Variants in GOLGA7 observed in about 807,000 individuals in gnomAD.
The protein encoded by GOLGA7 is golgin subfamily A member 7.
GOLGA7 carries 10 observed loss-of-function variants against 21.1 expected under a neutral mutation model. The ratio of observed to expected loss-of-function variants is 0.47; its 90% CI spans 0.29 to 0.80. The LOEUF is 0.80. Among genes scored for constraint, GOLGA7 ranks in the 30% least tolerant of loss-of-function variants. The probability of loss-of-function intolerance (pLI) is 0.08; values close to 1 mark genes in which losing one functional copy is unlikely to be tolerated. For missense variants in GOLGA7, 114 were observed against 166.8 expected, an observed-to-expected ratio of 0.68 and a Z score of 1.74; for synonymous variants, 64 against 62.6, an observed-to-expected ratio of 1.02 and a Z score of -0.10.
chr8:41,491,691 AT>A (rs1292553882), intron 1 of GOLGA7, among the ~76,000 whole-genome samples: 1 of 142,816 alleles, frequency 7.0e-6, no homozygotes, highest in African/African-American at 2.6e-5. Flanking sequence ...AAAAAAAAAA[AT>A]CATTGTATCT....
At chr8:41,496,655 T>A (rs1339877471) in intron 1 of GOLGA7, among the ~76,000 whole-genome samples, 1 of 130,944 alleles carries the variant, frequency 7.6e-6, no homozygotes. Context: ...TAAAATGCCA[T>A]TTTTTTTTTT....
At chr8:41,500,051 A>G (rs764970833) in intron 2 of GOLGA7, among the ~76,000 whole-genome samples, 4 of 152,254 alleles carry the variant, frequency 2.6e-5, no homozygotes, top group Non-Finnish European at 5.9e-5. Context: ...GTGAAGGCTC[A>G]GGGGATTTGT....
chr8:41,510,628 C>T lies in GOLGA7; in HGVS notation c.*1060C>T, dbSNP rs899844724. On this transcript the variant is annotated 3_prime_UTR_variant, in exon 5 of 5. Transcript: ENST00000357743. Reference sequence around the variant, plus strand: ...CTCAAGTCTGAGTCCATATTTGTAGCTCTGCTTTTGGCTGTACGTTCCTAG... The same window carrying T: ...CTCAAGTCTGAGTCCATATTTGTAGTTCTGCTTTTGGCTGTACGTTCCTAG... 1 of 152,614 alleles carries T rather than the reference C, an allele frequency of 6.6e-6. No homozygotes were observed. Among genetic ancestry groups the T allele is most frequent in the Middle Eastern group, 3.2e-3 (1 of 316 alleles). 9.5% of individuals were successfully genotyped at this position (152,614 alleles called of 1,614,324 possible).
chr8:41,497,596 G>A lies in GOLGA7; in HGVS notation c.199G>A (p.Glu67Lys), dbSNP rs1362179420. ...AEKLGGQSYLEGCLACLTAYT... is the reference protein window; with the variant it reads ...AEKLGGQSYLKGCLACLTAYT... ...GAAGCTCGGCGGCCAGTCATATCTC[G>A]AAGGTTGTTTGGCTTGTTTAACAGC... Residue 67 changes from glutamate to lysine, a missense_variant, in exon 2 of 5, where the codon GAA becomes AAA. Transcript: ENST00000357743. 10 of 1,588,000 alleles carry A rather than the reference G, an allele frequency of 6.3e-6. 1 individual carries two copies. Among genetic ancestry groups the A allele is most frequent in the African/African-American group, 2.7e-5 (2 of 74,424 alleles).
intron 2 of GOLGA7, among the ~76,000 whole-genome samples, chr8:41,500,307 G>A (rs532176704): frequency 2.6e-5 from 4 of 152,222 alleles, no homozygotes; most frequent in Non-Finnish European, 5.9e-5. Context: ...AGGCCTCTGA[G>A]GTGGTGACAT....
chr8:41,498,716 T>A (rs915632192), intron 2 of GOLGA7, among the ~76,000 whole-genome samples: 2 of 152,252 alleles, frequency 1.3e-5, no homozygotes, highest in African/African-American at 4.8e-5. Flanking sequence ...TGTAGCAGTT[T>A]ATTTTCTTGT....
chr8:41,493,476 G>C (rs1363775935), intron 1 of GOLGA7, among the ~76,000 whole-genome samples: 1 of 152,250 alleles, frequency 6.6e-6, no homozygotes, highest in East Asian at 1.9e-4. Context: ...CATTTTCTCT[G>C]CTGCCTTTTA....
At chr8:41,502,142 G>A (rs926400300) in intron 2 of GOLGA7, among the ~76,000 whole-genome samples, 3 of 152,246 alleles carry the variant, frequency 2.0e-5, no homozygotes, top group African/African-American at 7.2e-5. Flanking sequence ...CTGGAATGAT[G>A]ATAGTTAAGA....
At chr8:41,500,394 T>C (rs1806121549) in intron 2 of GOLGA7, among the ~76,000 whole-genome samples, 1 of 151,982 alleles carries the variant, frequency 6.6e-6, no homozygotes, top group African/African-American at 2.4e-5. Flanking sequence ...CCCAGAGAGC[T>C]TGATGGACCT....
At chr8:41,507,800 A>G (rs1465961013) in intron 4 of GOLGA7, among the ~76,000 whole-genome samples, 1 of 152,174 alleles carries the variant, frequency 6.6e-6, no homozygotes, top group East Asian at 1.9e-4. Flanking sequence ...ATTTCTGCCA[A>G]TTTTAGTTAC....
At chr8:41,507,954 C>G (rs1806328228) in intron 4 of GOLGA7, among the ~76,000 whole-genome samples, 1 of 152,214 alleles carries the variant, frequency 6.6e-6, no homozygotes, top group Non-Finnish European at 1.5e-5. Flanking sequence ...TCAATAACAG[C>G]TACCATTTTG....
rs1169923189 is a variant in GOLGA7, at chr8:41,510,478, A to G, written c.*910A>G. The stretch of plus-strand genomic sequence containing the variant: ...AAATTTGATAGGAATAATACTGTAT[A>G]TTACTAATTTTTAACTATCCCTAAG... On this transcript the variant is annotated 3_prime_UTR_variant, in exon 5 of 5. Coordinates refer to ENST00000357743, the MANE Select transcript of GOLGA7 (RefSeq NM_001002296.2). The G allele has an allele frequency of 2.0e-5, 3 of 152,758 alleles. No individual in the cohort carries two copies. The highest frequency in any genetic ancestry group is 7.2e-5 in the African/African-American group (3 of 41,572). The allele number at this position is 152,758 out of a possible 1,614,324, so 9.5% of individuals were successfully genotyped here.
At chr8:41,491,583 A>G (rs1252976375) in intron 1 of GOLGA7, among the ~76,000 whole-genome samples, 1 of 152,112 alleles carries the variant, frequency 6.6e-6, no homozygotes, top group African/African-American at 2.4e-5. Context: ...CTTGCATATC[A>G]AAATGGTCAT....
In GOLGA7 at chr8:41,490,951, G is replaced by T; in HGVS notation, c.97G>T (p.Glu33Ter). 6.4e-7 allele frequency: 1 copy of T among 1,570,662 alleles called. No individual in the cohort carries two copies. Among genetic ancestry groups the T allele is most frequent in the Non-Finnish European group, 8.7e-7 (1 of 1,151,264 alleles). Residue 33 changes from glutamate (E) to a stop codon, truncating the protein, a stop_gained, in exon 1 of 5, where the codon GAG becomes TAG. Transcript: ENST00000357743. LOFTEE classifies it high-confidence loss of function. ...RCQFQTKFPA[E>*]LENRIDRQQF... is the part of the protein sequence containing the mutation. ...CCAGTTCCAGACCAAGTTCCCTGCG[G>T]AGCTGGAGAACCGGGTACGCAACCT... is the stretch of plus-strand genomic sequence containing the variant.
intron 1 of GOLGA7, among the ~76,000 whole-genome samples, 176 bp downstream of exon 1, chr8:41,491,141 T>G (rs989634068): frequency 6.6e-6 from 1 of 152,162 alleles, no homozygotes; most frequent in African/African-American, 2.4e-5. Context: ...GACAGGTGTT[T>G]GGAGCAGGAA....
rs528161917 is a variant in GOLGA7 at position 41,509,622 on chromosome 8, C to T, written c.*54C>T. ...CCGGGCCCCTCATGTATCCACTGGCCGACCGCAGAGTGTCCCTACCTCCTC... is the reference window on the plus strand; with the variant it reads ...CCGGGCCCCTCATGTATCCACTGGCTGACCGCAGAGTGTCCCTACCTCCTC... On this transcript the variant is annotated 3_prime_UTR_variant, in exon 5 of 5. Transcript: ENST00000357743. The T allele has an allele frequency of 1.3e-5, 2 of 152,622 alleles. No homozygotes were observed. The highest frequency in any genetic ancestry group is 2.9e-5 in the Non-Finnish European group (2 of 68,062). 9.5% of individuals were successfully genotyped at this position (152,622 alleles called of 1,614,324 possible).
intron 2 of GOLGA7, chr8:41,505,676 T>G (rs1806267988): frequency 1.3e-5 from 5 of 387,472 alleles, no homozygotes; most frequent in African/African-American, 6.3e-5. Context: ...ATTGTATGCT[T>G]TTGCATTTAT....
chr8:41,498,258 A>C (rs567579281), intron 2 of GOLGA7, among the ~76,000 whole-genome samples: 16 of 152,242 alleles, frequency 1.1e-4, no homozygotes, highest in African/African-American at 3.4e-4. Flanking sequence ...TCTCTCCTAG[A>C]CTATTGAAAT....
chr8:41,499,675 C>T (rs937583872), intron 2 of GOLGA7, among the ~76,000 whole-genome samples: 10 of 152,186 alleles, frequency 6.6e-5, no homozygotes, highest in South Asian at 2.1e-4. Flanking sequence ...CACTAATGTG[C>T]ACCTCTTGAC....
Sources: gnomAD v4.1 joint callset for allele counts (sites outside exome capture counted in the v4.1 genomes callset) on GRCh38, gnomAD v4.1.1 for gene constraint, MANE v1.5 for transcripts, NCBI Gene and HGNC (gene_info 2026-07-23, HGNC 2026-07-21) for gene names.